The following UNC5D variants were observed in gnomAD, a reference collection of about 807,000 sequenced individuals.
The protein encoded by UNC5D is unc-5 netrin receptor D, also known as netrin receptor UNC5D.
Under a neutral mutation model 105.4 loss-of-function variants are expected in UNC5D, and 39 were observed. The ratio of observed to expected loss-of-function variants is 0.37; its 90% CI spans 0.29 to 0.48. The LOEUF is 0.48. Ranked by LOEUF, UNC5D falls within the 20% of genes least tolerant of loss-of-function variation. UNC5D has a pLI of 0.98. For synonymous variants in UNC5D, 452 were observed against 450.4 expected (o/e 1.00, Z -0.04); for missense variants, 991 against 1,202.4 (o/e 0.82, Z 2.60).
intron 1 of UNC5D, among the ~76,000 whole-genome samples, chr8:35,297,332 A>G (rs1272467064): frequency 1.3e-5 from 2 of 152,124 alleles, no homozygotes; most frequent in African/African-American, 4.8e-5. Context: ...AGCCTTTCCT[A>G]TTTTTTCAAT....
chr8:35,477,501 C>T (rs1482787679), intron 1 of UNC5D, among the ~76,000 whole-genome samples: 1 of 151,968 alleles, frequency 6.6e-6, no homozygotes, highest in African/African-American at 2.4e-5. Context: ...GATGCAACTG[C>T]TGATTATGCT....
intron 1 of UNC5D, among the ~76,000 whole-genome samples, chr8:35,365,043 G>A (rs1802037220): frequency 1.3e-5 from 2 of 152,114 alleles, no homozygotes; most frequent in African/African-American, 4.8e-5. Flanking sequence ...CTTGTTTGTA[G>A]TGGTATGTCA....
intron 2 of UNC5D, among the ~76,000 whole-genome samples, chr8:35,563,385 A>G (rs1415315103): frequency 6.6e-6 from 1 of 151,514 alleles, no homozygotes; most frequent in Non-Finnish European, 1.5e-5. Flanking sequence ...GAGAGCTATT[A>G]TAAATGAAAT....
intron 14 of UNC5D, among the ~76,000 whole-genome samples, chr8:35,760,226 T>A (rs112207703): frequency 0.032 from 4,885 of 151,950 alleles, 246 homozygotes; most frequent in African/African-American, 0.11. Flanking sequence ...TATTTTTTAG[T>A]AGAGACGGGG....
intron 1 of UNC5D, among the ~76,000 whole-genome samples, chr8:35,505,873 T>C (rs1812276199): frequency 6.6e-6 from 1 of 152,250 alleles, no homozygotes; most frequent in African/African-American, 2.4e-5. Context: ...CTGGGTGAAT[T>C]AAGCAGGTTG....
At chr8:35,319,865 C>CAG (rs1441596901) in intron 1 of UNC5D, among the ~76,000 whole-genome samples, 1 of 151,786 alleles carries the variant, frequency 6.6e-6, no homozygotes, top group East Asian at 1.9e-4. Flanking sequence ...TTATCAGGCC[C>CAG]AGAGAGACAT....
chr8:35,511,328 A>G (rs1002193372), intron 1 of UNC5D, among the ~76,000 whole-genome samples: 6 of 152,108 alleles, frequency 3.9e-5, no homozygotes, highest in Admixed American at 2.0e-4. Context: ...TAAGCATTTT[A>G]TGTGATTTAG....
chr8:35,500,005 T>G (rs1811864982), intron 1 of UNC5D, among the ~76,000 whole-genome samples: 1 of 152,218 alleles, frequency 6.6e-6, no homozygotes, highest in Non-Finnish European at 1.5e-5. Flanking sequence ...CTTGCACCAC[T>G]CAAACCCTAA....
Position 35,790,465 on chromosome 8 carries a change from C to T in UNC5D, c.2764C>T (p.Leu922Phe), listed in dbSNP as rs1011412589. The change falls in exon 17 of 17, where the codon CTT becomes TTT. Residue 922 changes from leucine to phenylalanine, a missense_variant. This residue lies in a region of UNC5D where 45 missense variants were observed against 54.5 expected (regional missense o/e 0.83). Coordinates refer to ENST00000404895, the MANE Select transcript of UNC5D (RefSeq NM_080872.4). ...TGATCTTGACTCCCTGGCCTGTGCC[C>T]TTGAAGAGATTGGGAGGACACACAC... ...DGDLDSLACA[L>F]EEIGRTHTKL... The T allele has an allele frequency of 6.2e-7, 1 of 1,613,906 alleles. No individual in the cohort carries two copies. Among genetic ancestry groups the T allele is most frequent in the South Asian group, 1.1e-5 (1 of 91,080 alleles).
chr8:35,288,143 T>C (rs1307049763), intron 1 of UNC5D, among the ~76,000 whole-genome samples: 1 of 152,084 alleles, frequency 6.6e-6, no homozygotes, highest in Non-Finnish European at 1.5e-5. Context: ...AAGAGGAGTT[T>C]ACTATACACA....
At chr8:35,747,067 C>T (rs774341187) in intron 11 of UNC5D, among the ~76,000 whole-genome samples, 20 of 152,198 alleles carry the variant, frequency 1.3e-4, no homozygotes, top group African/African-American at 4.6e-4. Context: ...GTGTTTTGCT[C>T]GTATAGGAAG....
At chr8:35,320,356 A>C (rs1269729047) in intron 1 of UNC5D, among the ~76,000 whole-genome samples, 1 of 151,942 alleles carries the variant, frequency 6.6e-6, no homozygotes, top group African/African-American at 2.4e-5. Flanking sequence ...TCAAGGTTTT[A>C]ATCATGCAGA....
intron 1 of UNC5D, among the ~76,000 whole-genome samples, chr8:35,502,508 T>C (rs1019381858): frequency 2.6e-5 from 4 of 152,162 alleles, no homozygotes; most frequent in Admixed American, 2.6e-4. Context: ...TTTGAGTTCT[T>C]TCTAAGGCTG....
intron 16 of UNC5D, among the ~76,000 whole-genome samples, chr8:35,779,757 GGA>G (rs1188363852): frequency 1.2e-4 from 18 of 152,220 alleles, no homozygotes; most frequent in African/African-American, 4.3e-4. Flanking sequence ...TGCCTAGCCA[GGA>G]GAGTGTTCTT....
intron 8 of UNC5D, 65 bp downstream of exon 8, chr8:35,706,026 G>A: frequency 9.2e-7 from 1 of 1,091,606 alleles, no homozygotes; most frequent in Non-Finnish European, 1.3e-6. Flanking sequence ...TGTTGTATTT[G>A]TTTAGGAGCT....
chr8:35,590,727 T>A (rs1283668051), intron 3 of UNC5D, among the ~76,000 whole-genome samples: 1 of 152,280 alleles, frequency 6.6e-6, no homozygotes, highest in East Asian at 1.9e-4. Context: ...ATTATCCTCA[T>A]GTCACTGATG....
At chr8:35,695,509 C>A (rs964011173) in intron 7 of UNC5D, among the ~76,000 whole-genome samples, 9 of 151,976 alleles carry the variant, frequency 5.9e-5, no homozygotes, top group African/African-American at 2.2e-4. Context: ...GCACTTCAAC[C>A]TGAGCAACAG....
intron 1 of UNC5D, among the ~76,000 whole-genome samples, chr8:35,384,692 G>A (rs7823780): frequency 0.024 from 3,591 of 152,234 alleles, 144 homozygotes; most frequent in African/African-American, 0.083. Flanking sequence ...AGCTTGTGCC[G>A]ATTAATTAGC....
intron 3 of UNC5D, among the ~76,000 whole-genome samples, chr8:35,579,242 C>T (rs904981865): frequency 3.9e-5 from 6 of 152,150 alleles, no homozygotes; most frequent in Admixed American, 1.3e-4. Flanking sequence ...CACATCCTTC[C>T]ACCAGCTAAG....
Sources: gnomAD v4.1 joint callset for allele counts (sites outside exome capture counted in the v4.1 genomes callset) on GRCh38, gnomAD v4.1.1 for gene constraint, gnomAD v4.1.1 regional missense constraint, MANE v1.5 for transcripts, NCBI Gene and HGNC (gene_info 2026-07-23, HGNC 2026-07-21) for gene names.